Variants in PALS2 observed in about 807,000 individuals in gnomAD.
PALS2 encodes protein PALS2.
In PALS2, 27 loss-of-function variants were observed where a neutral mutation model predicts 61.6. That is an observed-to-expected ratio of 0.44 (90% CI 0.32 to 0.60). PALS2 has a LOEUF of 0.60. Among genes scored for constraint, PALS2 ranks in the 20% least tolerant of loss-of-function variants. The pLI is 0.05. For synonymous variants in PALS2, 236 were observed against 218.6 expected (o/e 1.08, Z -0.70); for missense variants, 554 against 639.4 (o/e 0.87, Z 1.44).
chr7:24,616,392 T>C (rs1055905219), intron 1 of PALS2, among the ~76,000 whole-genome samples: 7 of 152,190 alleles, frequency 4.6e-5, no homozygotes, highest in African/African-American at 1.4e-4. Flanking sequence ...AGTATTTCTA[T>C]ATACAAACAA....
intron 9 of PALS2, among the ~76,000 whole-genome samples, chr7:24,676,865 T>G: frequency 6.6e-6 from 1 of 151,144 alleles, no homozygotes. Context: ...GCAGGCTCTC[T>G]TTTGGTTCCA....
intron 5 of PALS2, 179 bp from the exon 6 acceptor site, chr7:24,663,411 A>T (rs1786843030): frequency 6.0e-6 from 3 of 502,562 alleles, no homozygotes; most frequent in Non-Finnish European, 9.5e-6. Context: ...TATCTTTCTG[A>T]TACCAAAATC....
intron 2 of PALS2, among the ~76,000 whole-genome samples, chr7:24,630,926 C>T (rs138661563): frequency 2.0e-5 from 3 of 152,302 alleles, no homozygotes; most frequent in African/African-American, 7.2e-5. Context: ...TGACAACACA[C>T]TTGGTCACCC....
chr7:24,629,109 A>G (rs1024297518), intron 2 of PALS2, among the ~76,000 whole-genome samples: 1 of 152,200 alleles, frequency 6.6e-6, no homozygotes, highest in African/African-American at 2.4e-5. Flanking sequence ...GGCTACAGTA[A>G]CTAAAACACC....
rs114807739 is a variant in PALS2, at chr7:24,673,994, G to A, written c.1115-5137G>A. Among the ~76,000 whole-genome samples, 796 of 151,942 alleles carry A rather than the reference G, an allele frequency of 5.2e-3. 7 individuals are homozygous for A. The highest frequency in any genetic ancestry group is 0.017 in the African/African-American group (721 of 41,462). On this transcript the variant is annotated intron_variant, in intron 9 of 11. Transcript: ENST00000222644. Reference sequence around the variant, plus strand: ...CATTCATCTCAAAATACTTTTGAGTGGGTTTTTTATATATATATATAAATA... The same window carrying A: ...CATTCATCTCAAAATACTTTTGAGTAGGTTTTTTATATATATATATAAATA...
At chr7:24,661,571 G>A (rs1786724089) in intron 5 of PALS2, among the ~76,000 whole-genome samples, 1 of 152,118 alleles carries the variant, frequency 6.6e-6, no homozygotes, top group Admixed American at 6.5e-5. Flanking sequence ...TTCAATCACT[G>A]CATCTTTCTT....
intron 2 of PALS2, among the ~76,000 whole-genome samples, chr7:24,633,632 C>G (rs941150839): frequency 6.6e-6 from 1 of 151,852 alleles, no homozygotes; most frequent in Non-Finnish European, 1.5e-5. Flanking sequence ...TTCTCAGTTT[C>G]AGATTTTGTA....
rs555879645 is a variant in PALS2 at position 24,640,348 on chromosome 7, G to C, written c.118-1368G>C. 5.3e-5 allele frequency among the ~76,000 whole-genome samples: 8 copies of C among 151,978 alleles called. No individual in the cohort carries two copies. The South Asian group carries it at 1.7e-3, about 32-fold the overall frequency. ...AATTACCTAGAAAAAATAGATTTAA[G>C]CAAGAAAAATTGTCTTTTAAAAATT... is the stretch of plus-strand genomic sequence containing the variant. On this transcript the variant is annotated intron_variant, in intron 2 of 11. Transcript: ENST00000222644.
intron 9 of PALS2, among the ~76,000 whole-genome samples, chr7:24,670,450 G>T (rs916957936): frequency 2.4e-4 from 36 of 151,740 alleles, no homozygotes; most frequent in African/African-American, 7.0e-4. Flanking sequence ...AGTTCCCTTT[G>T]TTGTTATCCT....
intron 11 of PALS2, among the ~76,000 whole-genome samples, chr7:24,684,945 T>C (rs1314493348): frequency 2.0e-5 from 3 of 152,298 alleles, no homozygotes; most frequent in Admixed American, 1.3e-4. Flanking sequence ...ACTAGATTTT[T>C]TTTTTCCTTC....
intron 9 of PALS2, among the ~76,000 whole-genome samples, chr7:24,676,287 A>T (rs1422684645): frequency 6.6e-6 from 1 of 151,540 alleles, no homozygotes; most frequent in African/African-American, 2.4e-5. Flanking sequence ...CCTTTGTCAG[A>T]TGAGTAGGTT....
At chr7:24,670,607 A>C (rs1787248249) in intron 9 of PALS2, among the ~76,000 whole-genome samples, 1 of 152,148 alleles carries the variant, frequency 6.6e-6, no homozygotes, top group Non-Finnish European at 1.5e-5. Context: ...TATTTGACTA[A>C]TTAGCAGAGA....
intron 3 of PALS2, among the ~76,000 whole-genome samples, chr7:24,647,617 C>T (rs1418324180): frequency 2.6e-5 from 4 of 152,136 alleles, no homozygotes; most frequent in Non-Finnish European, 5.9e-5. Flanking sequence ...AGTATTCTTC[C>T]ATAATGTAGA....
rs1262134046 is a variant in PALS2, at chr7:24,688,166, A to C, written c.*552A>C. On this transcript the variant is annotated 3_prime_UTR_variant, in exon 12 of 12. Coordinates refer to ENST00000222644, the MANE Select transcript of PALS2 (RefSeq NM_001303037.2). Reference sequence around the variant, plus strand: ...TAAATCTGACATCAAAAGTCTGATCAGTTTACGTATTTTCATTATTTCGGA... The same window carrying C: ...TAAATCTGACATCAAAAGTCTGATCCGTTTACGTATTTTCATTATTTCGGA... 1.3e-5 allele frequency: 2 copies of C among 152,216 alleles called. No homozygotes were observed. The highest frequency in any genetic ancestry group is 2.9e-5 in the Non-Finnish European group (2 of 68,048). 9.4% of individuals were successfully genotyped at this position (152,216 alleles called of 1,614,324 possible).
chr7:24,641,537 T>C lies in PALS2; in HGVS notation c.118-179T>C, dbSNP rs375977916. On this transcript the variant is annotated intron_variant, in intron 2 of 11. Coordinates refer to ENST00000222644, the MANE Select transcript of PALS2 (RefSeq NM_001303037.2). ...GAACTAGAGGCCAAGATTTATTATA[T>C]TGCATGATATACTTACTGTAAAATC... 7.9e-5 allele frequency among the ~76,000 whole-genome samples: 12 copies of C among 152,284 alleles called. No homozygotes were observed. The East Asian group carries it at 2.3e-3, about 29-fold the overall frequency.
chr7:24,607,498 T>C (rs1783945609), intron 1 of PALS2, among the ~76,000 whole-genome samples: 2 of 151,796 alleles, frequency 1.3e-5, no homozygotes, highest in Non-Finnish European at 2.9e-5. Flanking sequence ...ACACATGATA[T>C]ATATGTGTAT....
intron 1 of PALS2, among the ~76,000 whole-genome samples, chr7:24,586,267 T>C (rs1378731183): frequency 9.2e-5 from 14 of 152,208 alleles, no homozygotes; most frequent in Admixed American, 7.8e-4. Flanking sequence ...TATTTTATCA[T>C]GTGTGGCAGA....
intron 8 of PALS2, chr7:24,666,898 A>G (rs912598592): frequency 6.6e-6 from 1 of 152,204 alleles, no homozygotes; most frequent in Non-Finnish European, 1.5e-5. Context: ...AAACAGCTCT[A>G]TGAATCAGAA....
rs763335331 is a variant in PALS2, at chr7:24,671,553, C to CT, written c.1114+2897dup. Among the ~76,000 whole-genome samples, 3 of 152,204 alleles carry CT rather than the reference C, an allele frequency of 2.0e-5. No homozygotes were observed. The East Asian group carries it at 5.8e-4, about 29-fold the overall frequency. On this transcript the variant is annotated intron_variant, in intron 9 of 11. Transcript: ENST00000222644. Reference sequence around the variant, plus strand: ...TTTGATGAAGTCCAAATTTATATGTCTTTTGTTGCTCATGCTTTTCATATC... The same window carrying CT: ...TTTGATGAAGTCCAAATTTATATGTCTTTTTGTTGCTCATGCTTTTCATATC...
Sources: allele counts gnomAD v4.1 joint callset (sites outside exome capture counted in the v4.1 genomes callset), GRCh38; gene constraint gnomAD v4.1.1; transcripts MANE v1.5; gene names NCBI Gene and HGNC (gene_info 2026-07-23, HGNC 2026-07-21).